DSCAM: variants seen among roughly 807,000 people sequenced by gnomAD.
DSCAM encodes the protein cell adhesion molecule DSCAM.
DSCAM carries 47 observed loss-of-function variants against 217.7 expected under a neutral mutation model. The ratio of observed to expected loss-of-function variants is 0.22; its 90% CI spans 0.17 to 0.28. DSCAM has a LOEUF of 0.28. Among genes scored for constraint, DSCAM ranks in the 10% least tolerant of loss-of-function variants. The pLI is 1.00. For missense variants in DSCAM, 2,080 were observed against 2,618.3 expected (o/e 0.79, Z 4.49); for synonymous variants, 1,056 against 1,015.3 (o/e 1.04, Z -0.76).
chr21:40,378,758 A>AT (rs797020577), intron 3 of DSCAM, among the ~76,000 whole-genome samples: 13 of 149,410 alleles, frequency 8.7e-5, no homozygotes, highest in African/African-American at 2.5e-4. Flanking sequence ...CGCCCGGCTA[A>AT]TTTTTTTTGT....
intron 11 of DSCAM, among the ~76,000 whole-genome samples, chr21:40,216,283 AT>A (rs1299087764): frequency 0.039 from 5,776 of 149,550 alleles, 254 homozygotes; most frequent in African/African-American, 0.1. Flanking sequence ...TAAAAAAAAA[AT>A]TTTTTTTTTT....
At chr21:40,125,788 C>A (rs1263065506) in intron 19 of DSCAM, among the ~76,000 whole-genome samples, 3 of 152,168 alleles carry the variant, frequency 2.0e-5, no homozygotes, top group Non-Finnish European at 4.4e-5. Flanking sequence ...TCTAAGACAT[C>A]CACAACCTAG....
At position 40,846,761 on chromosome 21, in the gene DSCAM, G is replaced by T. The variant is rs1601341626; in HGVS notation, c.-100C>A. 1.1e-5 allele frequency: 5 copies of T among 452,382 alleles called. No individual in the cohort carries two copies. Among genetic ancestry groups the T allele is most frequent in the Non-Finnish European group, 1.4e-5 (5 of 345,888 alleles). 28.0% of individuals were successfully genotyped at this position (452,382 alleles called of 1,614,324 possible). On this transcript the variant is annotated 5_prime_UTR_variant, in exon 1 of 33. Coordinates refer to ENST00000400454, the MANE Select transcript of DSCAM (RefSeq NM_001389.5). ...CTCGCCGCTCGGCACCTGCCCGGGG[G>T]CCGCCGCCCGCCCGCCGCCCGCCGC...
chr21:40,684,741 A>G (rs767114778), intron 3 of DSCAM, among the ~76,000 whole-genome samples: 3 of 152,210 alleles, frequency 2.0e-5, no homozygotes, highest in Non-Finnish European at 4.4e-5. Context: ...CTTGTCGATA[A>G]TAATAATAAT....
At chr21:40,244,487 G>T (rs931161898) in intron 11 of DSCAM, among the ~76,000 whole-genome samples, 1 of 150,800 alleles carries the variant, frequency 6.6e-6, no homozygotes, top group South Asian at 2.1e-4. Context: ...CAATTGTGCA[G>T]CAGTAGACTA....
chr21:40,569,041 T>C (rs746871206), intron 3 of DSCAM, among the ~76,000 whole-genome samples: 6 of 152,164 alleles, frequency 3.9e-5, no homozygotes, highest in Non-Finnish European at 4.4e-5. Context: ...TAGCATTTCT[T>C]TGGGGCTTAC....
At chr21:40,150,417 G>A (rs888585361) in intron 16 of DSCAM, among the ~76,000 whole-genome samples, 9 of 152,322 alleles carry the variant, frequency 5.9e-5, no homozygotes, top group African/African-American at 2.2e-4. Context: ...TTATTAATTT[G>A]TAGATAGACT....
At position 40,572,120 on chromosome 21, in the gene DSCAM, G is replaced by A. The variant is rs547259307; in HGVS notation, c.508+120690C>T. On this transcript the variant is annotated intron_variant, in intron 3 of 32. Coordinates refer to ENST00000400454, the MANE Select transcript of DSCAM (RefSeq NM_001389.5). ...TGTGTGTGTGTGTGTGTGTGTGTTT[G>A]TGTGTACATATATATGCATTTCAGC... Among the ~76,000 whole-genome samples, 603 of 150,750 alleles carry A rather than the reference G, an allele frequency of 4.0e-3. 5 individuals are homozygous for A. The highest frequency in any genetic ancestry group is 4.7e-3 in the Non-Finnish European group (320 of 67,596).
chr21:40,534,951 T>C (rs1000968039), intron 3 of DSCAM, among the ~76,000 whole-genome samples: 5 of 151,980 alleles, frequency 3.3e-5, no homozygotes, highest in African/African-American at 1.2e-4. Flanking sequence ...AAATAGGGGG[T>C]TCCAGCTTGG....
At chr21:40,498,664 T>C (rs868277457) in intron 3 of DSCAM, among the ~76,000 whole-genome samples, 55 of 87,152 alleles carry the variant, frequency 6.3e-4, no homozygotes, top group African/African-American at 1.7e-3. Context: ...TGTATATATA[T>C]ACCCATATAT....
At chr21:40,587,034 A>G (rs926105274) in intron 3 of DSCAM, among the ~76,000 whole-genome samples, 3 of 152,214 alleles carry the variant, frequency 2.0e-5, no homozygotes, top group Admixed American at 6.5e-5. Context: ...CTTTTCAAAA[A>G]TAATTTTTAA....
rs1399973523 is a variant in DSCAM, at chr21:40,042,623, C to T, written c.5434G>A (p.Glu1812Lys). The change falls in exon 32 of 33, where the codon GAA (glutamate) becomes AAA (lysine). Residue 1812 changes from glutamate to lysine, a missense_variant. Coordinates refer to ENST00000400454, the MANE Select transcript of DSCAM (RefSeq NM_001389.5). ...VSTESASSTY[E>K]ELARAYEHAK... ...TGTTCGTAGGCCCTGGCCAGTTCTT[C>T]GTAAGTGGAGGAGGCACTTTCTGTG... The T allele has an allele frequency of 2.5e-6, 4 of 1,613,848 alleles. No homozygotes were observed. Among genetic ancestry groups the T allele is most frequent in the African/African-American group, 1.3e-5 (1 of 74,902 alleles).
At chr21:40,255,070 T>C (rs1196511757) in intron 11 of DSCAM, among the ~76,000 whole-genome samples, 1 of 152,094 alleles carries the variant, frequency 6.6e-6, no homozygotes, top group Non-Finnish European at 1.5e-5. Flanking sequence ...AATATATAAT[T>C]ATGGAATAAA....
intron 3 of DSCAM, among the ~76,000 whole-genome samples, chr21:40,468,375 CAGAG>C (rs1162436644): frequency 6.6e-6 from 1 of 151,930 alleles, no homozygotes; most frequent in African/African-American, 2.4e-5. Context: ...ATAGCAGAGA[CAGAG>C]AGAGGAGGAA....
rs115836711 is a variant in DSCAM at position 40,226,887 on chromosome 21, C to A, written c.2357-37649G>T. Among the ~76,000 whole-genome samples the A allele has an allele frequency of 6.4e-3, 970 of 152,208 alleles. 14 individuals carry two copies. Among genetic ancestry groups the A allele is most frequent in the African/African-American group, 0.022 (933 of 41,520 alleles). ...TACCCGTTAGTTACTTTTCCTGATT[C>A]TCTCCCTCCTCCCACCATCCACCCT... On this transcript the variant is annotated intron_variant, in intron 11 of 32. Coordinates refer to ENST00000400454, the MANE Select transcript of DSCAM (RefSeq NM_001389.5).
In DSCAM at chr21:40,276,774, G is replaced by A. The variant is rs541507088; in HGVS notation, c.2183-504C>T. Among the ~76,000 whole-genome samples the A allele has an allele frequency of 2.3e-4, 35 of 152,084 alleles. No individual in the cohort carries two copies. The South Asian group carries it at 2.5e-3, about 11-fold the overall frequency. Reference sequence around the variant, plus strand: ...TTCTCTTTAACGGTGGTTATATTCCGGTCTAGACACACAATACACCATTAA... The same window carrying A: ...TTCTCTTTAACGGTGGTTATATTCCAGTCTAGACACACAATACACCATTAA... On this transcript the variant is annotated intron_variant, in intron 10 of 32. Coordinates refer to ENST00000400454, the MANE Select transcript of DSCAM (RefSeq NM_001389.5).
intron 1 of DSCAM, among the ~76,000 whole-genome samples, chr21:40,714,436 A>C (rs988316179): frequency 6.6e-6 from 1 of 152,034 alleles, no homozygotes; most frequent in Non-Finnish European, 1.5e-5. Flanking sequence ...CCCAATCCCC[A>C]CCCCAGTGTT....
At chr21:40,480,595 A>G (rs2837652) in intron 3 of DSCAM, among the ~76,000 whole-genome samples, 102,349 of 152,104 alleles carry the variant, frequency 0.67, 34,930 homozygotes, top group African/African-American at 0.79. Context: ...ATTGAAACCT[A>G]TCTTCATGTG....
Position 40,080,284 on chromosome 21 carries a change from T to C in DSCAM, c.4288A>G (p.Ser1430Gly). ...AAGCGATAGGAACGTTCGCTGGGGC[T>C]GATTGGAAAACTCCCCCACTGCTCA... Reference protein sequence around the residue: ...NSEQWGSFPISPSERSYRLEN... With the variant: ...NSEQWGSFPIGPSERSYRLEN... Residue 1430 changes from serine to glycine, a missense_variant, in exon 25 of 33, where the codon AGC (serine) becomes GGC (glycine). Physicochemically the swap from Ser to Gly is moderately conservative, Grantham distance 56. Transcript: ENST00000400454. 2.5e-6 allele frequency: 4 copies of C among 1,613,522 alleles called. No individual in the cohort carries two copies. Among genetic ancestry groups the C allele is most frequent in the Non-Finnish European group, 3.4e-6 (4 of 1,179,892 alleles).
Sources: gnomAD v4.1 joint callset for allele counts (sites outside exome capture counted in the v4.1 genomes callset) on GRCh38, gnomAD v4.1.1 for gene constraint, MANE v1.5 for transcripts, NCBI Gene and HGNC (gene_info 2026-07-23, HGNC 2026-07-21) for gene names.